Variants in TTPA observed in about 807,000 individuals in gnomAD.
The protein encoded by TTPA is alpha-tocopherol transfer protein.
TTPA carries 23 observed loss-of-function variants against 25.9 expected under a neutral mutation model. The ratio of observed to expected loss-of-function variants is 0.89; its 90% CI spans 0.64 to 1.26. The LOEUF (loss-of-function observed/expected upper bound fraction) is 1.26. Among genes scored for constraint, TTPA ranks in the 50% most tolerant of loss-of-function variants. The pLI is 0.00. For synonymous variants in TTPA, 148 were observed against 137.3 expected, an observed-to-expected ratio of 1.08 and a Z score of -0.54; for missense variants, 337 against 353.1, an observed-to-expected ratio of 0.95 and a Z score of 0.37.
Position 63,085,916 on chromosome 8 carries a change from G to T in TTPA, c.106C>A (p.Arg36=). Residue 36 remains arginine (R), a synonymous_variant, in exon 1 of 5, where the codon CGG becomes AGG. Transcript: ENST00000260116. The part of the protein sequence containing the change: ...PGLAALRRRA[R]EAGVPLAPLP... ...GGCGCGAGCGGGACGCCAGCTTCCC[G>T]GGCCCGGCGCCGCAGCGCCGCCAGG... 6.6e-7 allele frequency: 1 copy of T among 1,524,848 alleles called. No individual in the cohort carries two copies. Among genetic ancestry groups the T allele is most frequent in the Non-Finnish European group, 8.8e-7 (1 of 1,141,930 alleles). The allele number at this position is 1,524,848 out of a possible 1,614,324, so 94.5% of individuals were successfully genotyped here.
rs1805295591 is a variant in TTPA, at chr8:63,060,889, T to G, written c.*363A>C. 1 of 184,800 alleles carries G rather than the reference T, an allele frequency of 5.4e-6. No homozygotes were observed. The highest frequency in any genetic ancestry group is 5.4e-5 in the Admixed American group (1 of 18,354). The allele number at this position is 184,800 out of a possible 1,614,324, so 11.4% of individuals were successfully genotyped here. A position where few individuals can be genotyped will look rare whatever the true frequency, so the allele number is the denominator to read the frequency against. On this transcript the variant is annotated 3_prime_UTR_variant, in exon 5 of 5. Coordinates refer to ENST00000260116, the MANE Select transcript of TTPA (RefSeq NM_000370.3). ...ATTTTTAAGCGGAATATTTCTAAAT[T>G]TTTTTCTAAACCAATTTAATCAGAG... is the stretch of plus-strand genomic sequence containing the variant.
At position 63,061,246 on chromosome 8, in the gene TTPA, A is replaced by T. The variant is rs1805300511; in HGVS notation, c.*6T>A. ...AGTTAGGAAGCCATTCACATGACAT[A>T]ACTTCTCATTGAATGCTCTCAGAAA... On this transcript the variant is annotated 3_prime_UTR_variant, in exon 5 of 5. Coordinates refer to ENST00000260116, the MANE Select transcript of TTPA (RefSeq NM_000370.3). 6.2e-7 allele frequency: 1 copy of T among 1,613,062 alleles called. No individual in the cohort carries two copies. The highest frequency in any genetic ancestry group is 8.5e-7 in the Non-Finnish European group (1 of 1,179,748).
intron 4 of TTPA, among the ~76,000 whole-genome samples, chr8:63,064,003 A>G (rs1805348025): frequency 6.6e-6 from 1 of 152,200 alleles, no homozygotes; most frequent in Non-Finnish European, 1.5e-5. Flanking sequence ...CCACAGTCTT[A>G]CAACCAATAT....
intron 1 of TTPA, among the ~76,000 whole-genome samples, chr8:63,074,355 C>A (rs1203781533): frequency 6.6e-6 from 1 of 152,174 alleles, no homozygotes; most frequent in Non-Finnish European, 1.5e-5. Context: ...GCTCTGCTCC[C>A]CCTCACCCCC....
At chr8:63,064,071 T>C (rs533681594) in intron 4 of TTPA, 135 bp downstream of exon 4, 3 of 635,220 alleles carry the variant, frequency 4.7e-6, no homozygotes, top group South Asian at 4.0e-5. Context: ...GTTGGCTTGT[T>C]AGATAAATAT....
intron 3 of TTPA, among the ~76,000 whole-genome samples, chr8:63,065,080 C>T (rs901571253): frequency 6.6e-6 from 1 of 152,334 alleles, no homozygotes. Context: ...AAGAATCCAT[C>T]AAATGAATGT....
chr8:63,072,323 C>T (rs562731454), intron 2 of TTPA, among the ~76,000 whole-genome samples: 5 of 152,244 alleles, frequency 3.3e-5, no homozygotes, highest in South Asian at 2.1e-4. Context: ...AGTGCAATGG[C>T]GCAATCTTGA....
intron 1 of TTPA, 137 bp from the exon 2 acceptor site, chr8:63,073,225 CTG>C: frequency 1.4e-6 from 1 of 722,724 alleles, no homozygotes; most frequent in Non-Finnish European, 2.3e-6. Flanking sequence ...ATCTTTTCAG[CTG>C]TGAAAACTGA....
intron 2 of TTPA, among the ~76,000 whole-genome samples, chr8:63,068,179 C>A (rs371245794): frequency 6.6e-6 from 1 of 152,036 alleles, no homozygotes; most frequent in South Asian, 2.1e-4. Context: ...ACATGATGAT[C>A]CACAACAGGG....
chr8:63,065,274 G>T (rs1225945606), intron 3 of TTPA, among the ~76,000 whole-genome samples: 1 of 152,132 alleles, frequency 6.6e-6, no homozygotes, highest in Non-Finnish European at 1.5e-5. Context: ...AACTGTGTGT[G>T]CCTGGGCATC....
intron 1 of TTPA, among the ~76,000 whole-genome samples, chr8:63,080,737 AAAT>A (rs762272028): frequency 7.5e-6 from 1 of 132,786 alleles, no homozygotes; most frequent in Non-Finnish European, 1.6e-5. Flanking sequence ...AAAAAAAAAT[AAAT>A]AATAATAATA....
intron 1 of TTPA, among the ~76,000 whole-genome samples, chr8:63,078,618 C>T (rs1037769141): frequency 3.3e-5 from 5 of 151,938 alleles, no homozygotes; most frequent in African/African-American, 7.3e-5. Flanking sequence ...TAAAATAAAG[C>T]GAGAAGACAA....
chr8:63,075,454 T>G (rs1283965754), intron 1 of TTPA, among the ~76,000 whole-genome samples: 2 of 152,094 alleles, frequency 1.3e-5, no homozygotes, highest in African/African-American at 4.8e-5. Flanking sequence ...GCACAGTGGC[T>G]CATGCCTGTA....
At chr8:63,077,821 T>C (rs1805588191) in intron 1 of TTPA, among the ~76,000 whole-genome samples, 4 of 152,188 alleles carry the variant, frequency 2.6e-5, no homozygotes, top group Non-Finnish European at 5.9e-5. Flanking sequence ...TCTCCCAGCA[T>C]GGCATTTCTG....
intron 3 of TTPA, among the ~76,000 whole-genome samples, chr8:63,064,618 CAATG>C (rs1230638893): frequency 1.3e-5 from 2 of 151,874 alleles, no homozygotes; most frequent in Admixed American, 6.6e-5. Context: ...TTTAACGAAC[CAATG>C]AGTCATTTGG....
chr8:63,061,273 G>A lies in TTPA; in HGVS notation c.816C>T (p.Ser272=), dbSNP rs760232813. 1.2e-6 allele frequency: 2 copies of A among 1,613,610 alleles called. No individual in the cohort carries two copies. The highest frequency in any genetic ancestry group is 1.7e-6 in the Non-Finnish European group (2 of 1,179,894). Reference sequence around the variant, plus strand: ...CTTCTCATTGAATGCTCTCAGAAATGCTGCTGAGATAATCTTCAGACTTCA... The same window carrying A: ...CTTCTCATTGAATGCTCTCAGAAATACTGCTGAGATAATCTTCAGACTTCA... ...FIMKSEDYLS[S]ISESIQ The change falls in exon 5 of 5, where the codon AGC becomes AGT. Residue 272 remains serine, a synonymous_variant. Transcript: ENST00000260116.
rs185619905 is a variant in TTPA at position 63,060,392 on chromosome 8, G to A, written c.*860C>T. 1.2e-4 allele frequency: 19 copies of A among 152,238 alleles called. No homozygotes were observed. Among genetic ancestry groups the A allele is most frequent in the African/African-American group, 4.6e-4 (19 of 41,542 alleles). The allele number at this position is 152,238 out of a possible 1,614,324, so 9.4% of individuals were successfully genotyped here. On this transcript the variant is annotated 3_prime_UTR_variant, in exon 5 of 5. Transcript: ENST00000260116. ...CACAGAGACCTAAAGATGCCACATA[G>A]AGTAGTATGGCATATAGACTCCTCA...
chr8:63,077,890 T>C (rs1258282184), intron 1 of TTPA, among the ~76,000 whole-genome samples: 2 of 152,160 alleles, frequency 1.3e-5, no homozygotes, highest in Non-Finnish European at 2.9e-5. Context: ...ATAGCCTAAC[T>C]GGGAGACACC....
At chr8:63,067,968 G>A (rs1307322611) in intron 2 of TTPA, among the ~76,000 whole-genome samples, 1 of 152,170 alleles carries the variant, frequency 6.6e-6, no homozygotes, top group Non-Finnish European at 1.5e-5. Flanking sequence ...TGGCTGTGTA[G>A]TACTCCATGG....
Sources: gnomAD v4.1 joint callset for allele counts (sites outside exome capture counted in the v4.1 genomes callset) on GRCh38, gnomAD v4.1.1 for gene constraint, MANE v1.5 for transcripts, NCBI Gene and HGNC (gene_info 2026-07-23, HGNC 2026-07-21) for gene names.